DPPA2: variants seen among roughly 807,000 people sequenced by gnomAD.
DPPA2 encodes developmental pluripotency associated 2.
In DPPA2, 26 loss-of-function variants were observed where a neutral mutation model predicts 36.2. The observed-to-expected ratio is 0.72, with a 90% CI of 0.53 to 1.00. DPPA2 has a LOEUF of 1.00. DPPA2 is among the 50% of genes least tolerant of loss of function. The pLI is 0.00. For missense variants in DPPA2, 361 were observed against 365.1 expected, an observed-to-expected ratio of 0.99 and a Z score of 0.09; for synonymous variants, 113 against 123.2, an observed-to-expected ratio of 0.92 and a Z score of 0.55.
Position 109,310,184 on chromosome 3 carries a change from C to T in DPPA2, c.182-854G>A, listed in dbSNP as rs1215419890. On this transcript the variant is annotated intron_variant, in intron 3 of 8. Coordinates refer to ENST00000478945, the MANE Select transcript of DPPA2 (RefSeq NM_138815.4). ...CGGAGGTTGTGGTGAGCCAAGATCG[C>T]GCCATTGCACTCCAGCCTGGGCAAC... 4.1e-5 allele frequency among the ~76,000 whole-genome samples: 6 copies of T among 147,424 alleles called. No homozygotes were observed. In the East Asian group the frequency reaches 8.2e-4, roughly 20 times the overall value.
chr3:109,304,205 A>C (rs1460217156), intron 7 of DPPA2, among the ~76,000 whole-genome samples: 1 of 151,892 alleles, frequency 6.6e-6, no homozygotes, highest in African/African-American at 2.4e-5. Flanking sequence ...CCCAGGAGGC[A>C]GAGGTTGCAG....
chr3:109,303,428 T>A (rs1376225513), intron 7 of DPPA2, among the ~76,000 whole-genome samples: 3 of 151,644 alleles, frequency 2.0e-5, no homozygotes, highest in Non-Finnish European at 4.4e-5. Context: ...TGGAGTGCAA[T>A]GGCACAATCT....
At chr3:109,304,294 C>G (rs1707509057) in intron 7 of DPPA2, among the ~76,000 whole-genome samples, 181 bp downstream of exon 7, 1 of 151,894 alleles carries the variant, frequency 6.6e-6, no homozygotes, top group South Asian at 2.1e-4. Flanking sequence ...AAGAACTAGC[C>G]ACATTTATTG....
At chr3:109,302,814 C>T (rs749151989) in intron 7 of DPPA2, among the ~76,000 whole-genome samples, 5 of 151,236 alleles carry the variant, frequency 3.3e-5, no homozygotes, top group African/African-American at 4.9e-5. Flanking sequence ...CACTTCCACC[C>T]AATTTTATCA....
chr3:109,315,044 G>A (rs1707766539), intron 1 of DPPA2, among the ~76,000 whole-genome samples: 2 of 152,002 alleles, frequency 1.3e-5, no homozygotes, highest in Admixed American at 1.3e-4. Flanking sequence ...CCAGCTTCGC[G>A]AGACTCTGTC....
At chr3:109,302,754 C>CAA (rs71629389) in intron 7 of DPPA2, among the ~76,000 whole-genome samples, 1,043 of 93,960 alleles carry the variant, frequency 0.011, 15 homozygotes, top group African/African-American at 0.036. Context: ...AGCCCACTTA[C>CAA]AAAAAAAAAA....
intron 8 of DPPA2, among the ~76,000 whole-genome samples, chr3:109,299,402 C>T (rs1707417633): frequency 6.6e-6 from 1 of 151,598 alleles, no homozygotes; most frequent in Non-Finnish European, 1.5e-5. Flanking sequence ...CCCAGCTACT[C>T]GGGAGGCTGA....
intron 8 of DPPA2, among the ~76,000 whole-genome samples, 165 bp downstream of exon 8, chr3:109,300,206 A>G (rs1257191374): frequency 2.0e-5 from 3 of 152,174 alleles, no homozygotes. Context: ...ACGCGCCACC[A>G]TTTGTACTTC....
At chr3:109,299,144 G>C (rs1314006680) in intron 8 of DPPA2, among the ~76,000 whole-genome samples, 1 of 151,776 alleles carries the variant, frequency 6.6e-6, no homozygotes, top group Non-Finnish European at 1.5e-5. Context: ...GATCACCTGA[G>C]GTCAGGAGTT....
chr3:109,308,722 T>C (rs1049582409), intron 5 of DPPA2, among the ~76,000 whole-genome samples: 116 of 152,178 alleles, frequency 7.6e-4, no homozygotes, highest in African/African-American at 2.6e-3. Context: ...GGTTTCGGAA[T>C]ATTAGTTCCC....
chr3:109,308,032 C>G lies in DPPA2; in HGVS notation c.658G>C (p.Gly220Arg), dbSNP rs1486699236. ...ACTCACACTTTAAGGTTGATCTTAC[C>G]AGAGGCTTGCATCAAAAAGGCCTCA... ...SVEAFLMQAS[G>R]VRWCVVHGRL... The change falls in exon 6 of 9, where the codon GGC (glycine) becomes CGC (arginine). Residue 220 changes from glycine (G) to arginine (R), a missense_variant and splice_region_variant. By Grantham distance (125) the Gly-to-Arg change is moderately radical. Coordinates refer to ENST00000478945, the MANE Select transcript of DPPA2 (RefSeq NM_138815.4). 1 of 1,613,780 alleles carries G rather than the reference C, an allele frequency of 6.2e-7. No individual in the cohort carries two copies.
chr3:109,310,503 T>C (rs1014170944), intron 3 of DPPA2, among the ~76,000 whole-genome samples: 1 of 150,074 alleles, frequency 6.7e-6, no homozygotes, highest in Non-Finnish European at 1.5e-5. Context: ...CCTATGTAGG[T>C]TTTTTTTGTT....
intron 2 of DPPA2, among the ~76,000 whole-genome samples, chr3:109,313,897 T>C (rs945335710): frequency 1.2e-4 from 18 of 152,276 alleles, no homozygotes; most frequent in Admixed American, 8.5e-4. Flanking sequence ...ATAGCTAATA[T>C]TGGCCAATTC....
chr3:109,313,033 G>T (rs1187150249), intron 2 of DPPA2, among the ~76,000 whole-genome samples: 1 of 152,154 alleles, frequency 6.6e-6, no homozygotes, highest in Non-Finnish European at 1.5e-5. Context: ...TATGGAGTGT[G>T]TTCCTGCCTT....
intron 7 of DPPA2, 55 bp from the exon 8 acceptor site, chr3:109,300,490 C>T: frequency 7.8e-6 from 12 of 1,538,470 alleles, no homozygotes; most frequent in Non-Finnish European, 1.1e-5. Flanking sequence ...GGTAAACCAT[C>T]CCTTACCAAT....
chr3:109,305,394 G>T (rs1707538798), intron 6 of DPPA2, among the ~76,000 whole-genome samples: 1 of 152,144 alleles, frequency 6.6e-6, no homozygotes, highest in Non-Finnish European at 1.5e-5. Flanking sequence ...CATGGATCCA[G>T]GTATTCTGAC....
At chr3:109,299,097 C>T (rs1231966616) in intron 8 of DPPA2, among the ~76,000 whole-genome samples, 2 of 151,938 alleles carry the variant, frequency 1.3e-5, no homozygotes, top group Non-Finnish European at 2.9e-5. Flanking sequence ...CGGTGGCTCA[C>T]GCCTGTAATC....
At chr3:109,310,514 GT>G (rs944071645) in intron 3 of DPPA2, among the ~76,000 whole-genome samples, 4 of 145,442 alleles carry the variant, frequency 2.8e-5, no homozygotes, top group South Asian at 2.3e-4. Context: ...TTTTTTTGTT[GT>G]TTTTTTTTGA....
chr3:109,303,529 C>T (rs1415994899), intron 7 of DPPA2, among the ~76,000 whole-genome samples: 1 of 151,868 alleles, frequency 6.6e-6, no homozygotes, highest in Non-Finnish European at 1.5e-5. Flanking sequence ...GCCACCACGC[C>T]CAGCTAATTT....
Sources: gnomAD v4.1 joint callset for allele counts (sites outside exome capture counted in the v4.1 genomes callset) on GRCh38, gnomAD v4.1.1 for gene constraint, MANE v1.5 for transcripts, NCBI Gene and HGNC (gene_info 2026-07-23, HGNC 2026-07-21) for gene names.